The following F13A1 variants were observed in gnomAD, a reference collection of about 807,000 sequenced individuals.
The protein encoded by F13A1 is coagulation factor XIII A chain, also known as FSF, A subunit.
F13A1 carries 47 observed loss-of-function variants against 80.1 expected under a neutral mutation model. The observed-to-expected ratio is 0.59, with a 90% CI of 0.46 to 0.75. The LOEUF is 0.75. Among genes scored for constraint, F13A1 ranks in the 30% least tolerant of loss-of-function variants. The pLI is 0.00. For missense variants in F13A1, 817 were observed against 930.4 expected (o/e 0.88, Z 1.59); for synonymous variants, 349 against 344.9 (o/e 1.01, Z -0.13).
At chr6:6,199,255 C>T (rs62408011) in intron 8 of F13A1, among the ~76,000 whole-genome samples, 10 of 152,118 alleles carry the variant, frequency 6.6e-5, no homozygotes, top group South Asian at 4.2e-4. Context: ...TTTGGGAGGC[C>T]GAGGCGGGCA....
intron 8 of F13A1, among the ~76,000 whole-genome samples, chr6:6,217,319 A>G (rs1268343235): frequency 2.6e-5 from 4 of 151,854 alleles, no homozygotes; most frequent in Non-Finnish European, 5.9e-5. Context: ...AATATGTGGC[A>G]CATATACACC....
chr6:6,299,946 T>G (rs1758395167), intron 3 of F13A1, among the ~76,000 whole-genome samples: 2 of 147,410 alleles, frequency 1.4e-5, no homozygotes, highest in Non-Finnish European at 2.9e-5. Context: ...GTCCTTTCTG[T>G]TTGTCAGTTT....
chr6:6,228,265 A>T (rs1288661125), intron 6 of F13A1, among the ~76,000 whole-genome samples: 1 of 152,134 alleles, frequency 6.6e-6, no homozygotes, highest in Non-Finnish European at 1.5e-5. Flanking sequence ...AAAACCCCTA[A>T]AAGTCATTAT....
rs540659627 is a variant in F13A1 at position 6,276,438 on chromosome 6, A to ACC, written c.320-9631_320-9630dup. ...CTGTTCCTAATTCCTGGGTTGCCTC[A>ACC]CCATGTCGTTTGTTTGGCTTCTTAG... On this transcript the variant is annotated intron_variant, in intron 3 of 14. Coordinates refer to ENST00000264870, the MANE Select transcript of F13A1 (RefSeq NM_000129.4). Among the ~76,000 whole-genome samples the ACC allele has an allele frequency of 2.1e-3, 320 of 152,194 alleles. 2 individuals are homozygous for ACC. The highest frequency in any genetic ancestry group is 5.3e-3 in the Admixed American group (81 of 15,286).
intron 10 of F13A1, among the ~76,000 whole-genome samples, chr6:6,194,213 C>T (rs1239055715): frequency 6.6e-6 from 1 of 152,114 alleles, no homozygotes; most frequent in African/African-American, 2.4e-5. Flanking sequence ...CCCAAGTTCC[C>T]ACCCAGTGAA....
chr6:6,209,098 A>G (rs1344130565), intron 8 of F13A1, among the ~76,000 whole-genome samples: 1 of 152,186 alleles, frequency 6.6e-6, no homozygotes, highest in Non-Finnish European at 1.5e-5. Context: ...TATGATAGAG[A>G]GCTTATATGC....
chr6:6,190,225 G>A lies in F13A1; in HGVS notation c.1305+5572C>T, dbSNP rs180991505. ...GTCTGAAGCCTTCTTCTCTCAGCTC[G>A]TCAAAGTCGTTCTCCGTCCAGCTTT... On this transcript the variant is annotated intron_variant, in intron 10 of 14. Coordinates refer to ENST00000264870, the MANE Select transcript of F13A1 (RefSeq NM_000129.4). 8.7e-4 allele frequency among the ~76,000 whole-genome samples: 132 copies of A among 152,276 alleles called. 1 individual carries two copies. The highest frequency in any genetic ancestry group is 2.9e-3 in the African/African-American group (120 of 41,564).
intron 2 of F13A1, among the ~76,000 whole-genome samples, chr6:6,311,633 T>C (rs1284567683): frequency 6.8e-6 from 1 of 147,042 alleles, no homozygotes; most frequent in Admixed American, 6.8e-5. Flanking sequence ...TATAAAAACA[T>C]ATATTGTTTA....
intron 8 of F13A1, chr6:6,206,514 C>T (rs1459815413): frequency 2.1e-6 from 1 of 478,012 alleles, no homozygotes; most frequent in Admixed American, 2.3e-5. Context: ...CCCCAAACTC[C>T]CCTTGGTTTA....
intron 6 of F13A1, among the ~76,000 whole-genome samples, chr6:6,231,067 AAAG>A (rs1214058508): frequency 1.3e-5 from 2 of 152,162 alleles, no homozygotes; most frequent in Non-Finnish European, 2.9e-5. Flanking sequence ...GGATCCAAAC[AAAG>A]AAGAAATCCC....
chr6:6,181,789 C>T (rs1190933140), intron 11 of F13A1, among the ~76,000 whole-genome samples, 199 bp downstream of exon 11: 1 of 152,050 alleles, frequency 6.6e-6, no homozygotes, highest in Non-Finnish European at 1.5e-5. Context: ...GAATTCTGCC[C>T]AAAGCAAGCT....
chr6:6,307,775 G>A (rs1758534113), intron 2 of F13A1, among the ~76,000 whole-genome samples: 1 of 151,970 alleles, frequency 6.6e-6, no homozygotes. Context: ...ATTTGAACAG[G>A]GAACTCATTT....
chr6:6,158,865 G>C (rs1439964986), intron 13 of F13A1, among the ~76,000 whole-genome samples: 2 of 151,634 alleles, frequency 1.3e-5, no homozygotes, highest in African/African-American at 4.8e-5. Context: ...TTTGTTTGGG[G>C]CACTCATTAT....
chr6:6,214,760 C>G (rs1399400743), intron 8 of F13A1, among the ~76,000 whole-genome samples: 1 of 62,422 alleles, frequency 1.6e-5, no homozygotes, highest in African/African-American at 8.7e-5. Flanking sequence ...TTGAAAGGAT[C>G]AACAAAATTG....
intron 11 of F13A1, among the ~76,000 whole-genome samples, chr6:6,175,753 T>G (rs1039685742): frequency 6.6e-6 from 1 of 152,230 alleles, no homozygotes; most frequent in Non-Finnish European, 1.5e-5. Flanking sequence ...GTGGTGCACC[T>G]AAGTTCTAAT....
Position 6,266,725 on chromosome 6 carries a change from A to G in F13A1, c.404T>C (p.Ile135Thr). 1 of 1,614,208 alleles carries G rather than the reference A, an allele frequency of 6.2e-7. No individual in the cohort carries two copies. The highest frequency in any genetic ancestry group is 8.5e-7 in the Non-Finnish European group (1 of 1,180,040). Residue 135 changes from isoleucine (I) to threonine (T), a missense_variant, in exon 4 of 15, where the codon ATT (isoleucine) becomes ACT (threonine). Transcript: ENST00000264870. ...ELQSGKWGAK[I>T]VMREDRSVRL... The stretch of plus-strand genomic sequence containing the variant: ...CACAGACCTGTCCTCTCTCATGACA[A>G]TCTTGGCCCCCCACTTTCCACTTTG...
intron 4 of F13A1, among the ~76,000 whole-genome samples, 194 bp downstream of exon 4, chr6:6,266,364 T>C (rs992046889): frequency 3.9e-5 from 6 of 152,204 alleles, no homozygotes; most frequent in Non-Finnish European, 7.3e-5. Flanking sequence ...CCCAAGTAGC[T>C]GGGAGTACAG....
intron 6 of F13A1, among the ~76,000 whole-genome samples, chr6:6,239,360 T>C (rs1757455770): frequency 6.6e-6 from 1 of 152,128 alleles, no homozygotes; most frequent in African/African-American, 2.4e-5. Flanking sequence ...ACTTCTGAGC[T>C]TGTGGAAATG....
At chr6:6,272,870 T>A (rs138639782) in intron 3 of F13A1, among the ~76,000 whole-genome samples, 1,583 of 152,336 alleles carry the variant, frequency 0.01, 37 homozygotes, top group African/African-American at 0.037. Context: ...TTTCTTTAAA[T>A]CAATAGAATA....
Sources: allele counts gnomAD v4.1 joint callset (sites outside exome capture counted in the v4.1 genomes callset), GRCh38; gene constraint gnomAD v4.1.1; transcripts MANE v1.5; gene names NCBI Gene and HGNC (gene_info 2026-07-23, HGNC 2026-07-21).